The following LNP1 variants were observed in gnomAD, a reference collection of about 807,000 sequenced individuals.
The protein encoded by LNP1 is leukemia NUP98 fusion partner 1.
Under a neutral mutation model 14.5 loss-of-function variants are expected in LNP1, and 12 were observed. The observed-to-expected ratio is 0.83, with a 90% CI of 0.53 to 1.34. The LOEUF (loss-of-function observed/expected upper bound fraction) is 1.34. Among genes scored for constraint, LNP1 ranks in the 40% most tolerant of loss-of-function variants. LNP1 has a pLI of 0.00. For synonymous variants in LNP1, 75 were observed against 71.4 expected, an observed-to-expected ratio of 1.05 and a Z score of -0.26; for missense variants, 198 against 210.9, an observed-to-expected ratio of 0.94 and a Z score of 0.38.
intron 1 of LNP1, among the ~76,000 whole-genome samples, chr3:100,429,285 C>T (rs1707221949): frequency 1.3e-5 from 2 of 152,048 alleles, no homozygotes; most frequent in Admixed American, 6.6e-5. Flanking sequence ...TGTATGTGGC[C>T]CCATTTCAGA....
chr3:100,427,711 A>G (rs1039358433), intron 1 of LNP1, among the ~76,000 whole-genome samples: 1 of 152,196 alleles, frequency 6.6e-6, no homozygotes, highest in African/African-American at 2.4e-5. Flanking sequence ...ATACAAGGTA[A>G]AACTGAGAAA....
intron 1 of LNP1, among the ~76,000 whole-genome samples, chr3:100,428,014 G>T (rs1576230717): frequency 6.6e-6 from 1 of 152,186 alleles, no homozygotes; most frequent in South Asian, 2.1e-4. Flanking sequence ...AGGGCAAATG[G>T]CCAAGAATTC....
intron 1 of LNP1, 84 bp from the exon 2 acceptor site, chr3:100,429,613 G>C: frequency 2.3e-6 from 2 of 868,560 alleles, no homozygotes; most frequent in Non-Finnish European, 3.6e-6. Context: ...ATTTTAAAAA[G>C]ACCAGTTTCA....
At chr3:100,412,866 G>C (rs1400685198) in intron 1 of LNP1, among the ~76,000 whole-genome samples, 1 of 152,188 alleles carries the variant, frequency 6.6e-6, no homozygotes, top group Non-Finnish European at 1.5e-5. Flanking sequence ...CTGTAAGAGG[G>C]TTGGGCATAT....
At chr3:100,434,608 A>G (rs1046122420) in intron 2 of LNP1, among the ~76,000 whole-genome samples, 1 of 147,882 alleles carries the variant, frequency 6.8e-6, no homozygotes, top group Non-Finnish European at 1.5e-5. Flanking sequence ...GGCTCACTAC[A>G]ACCTCTGCCT....
At chr3:100,417,087 C>T (rs566506412) in intron 1 of LNP1, among the ~76,000 whole-genome samples, 4 of 152,080 alleles carry the variant, frequency 2.6e-5, no homozygotes, top group African/African-American at 9.6e-5. Flanking sequence ...TTTTGGCAAC[C>T]ATACTTCCAA....
At position 100,429,882 on chromosome 3, in the gene LNP1, C is replaced by T; in HGVS notation, c.153C>T (p.Cys51=). The change falls in exon 2 of 4, where the codon TGC becomes TGT. Residue 51 remains cysteine, a synonymous_variant. Transcript: ENST00000383693. ...GTCACAGGAAAACCTCCCTGCCCTG[C>T]CCAGTGAGTGATTGTCATGGAACCG... The part of the protein sequence containing the change: ...ATSHRKTSLP[C]PLPVLPRIPS... The T allele has an allele frequency of 1.9e-6, 3 of 1,612,696 alleles. No individual in the cohort carries two copies. The highest frequency in any genetic ancestry group is 2.5e-6 in the Non-Finnish European group (3 of 1,179,372).
chr3:100,403,452 T>C (rs1167611673), intron 1 of LNP1, among the ~76,000 whole-genome samples: 1 of 152,134 alleles, frequency 6.6e-6, no homozygotes, highest in African/African-American at 2.4e-5. Context: ...ATGGACTAGG[T>C]TGTGGAAGAC....
chr3:100,424,027 A>T (rs1291024840), intron 1 of LNP1, among the ~76,000 whole-genome samples: 1 of 152,110 alleles, frequency 6.6e-6, no homozygotes, highest in Non-Finnish European at 1.5e-5. Flanking sequence ...TTGCTGCCCC[A>T]TGTTTGTTTT....
intron 2 of LNP1, among the ~76,000 whole-genome samples, chr3:100,432,430 C>T (rs1039437223): frequency 3.3e-5 from 5 of 152,110 alleles, no homozygotes; most frequent in African/African-American, 1.2e-4. Context: ...CCGAGTATCA[C>T]AGGGTGAAAG....
At chr3:100,447,740 T>C (rs1707401832) in intron 2 of LNP1, among the ~76,000 whole-genome samples, 2 of 152,222 alleles carry the variant, frequency 1.3e-5, no homozygotes, top group Admixed American at 1.3e-4. Flanking sequence ...AAATTTACCA[T>C]ACAAGAGTCT....
At chr3:100,422,784 A>C (rs2148901849) in intron 1 of LNP1, among the ~76,000 whole-genome samples, 1 of 146,544 alleles carries the variant, frequency 6.8e-6, no homozygotes, top group South Asian at 2.2e-4. Flanking sequence ...CTCTGAAAAC[A>C]TACCTTGCTT....
chr3:100,436,703 A>G (rs9867520), intron 2 of LNP1, among the ~76,000 whole-genome samples: 2,157 of 152,232 alleles, frequency 0.014, 26 homozygotes, highest in African/African-American at 0.04. Context: ...CAGGTAACAT[A>G]TGTTCTGTTA....
At chr3:100,406,104 G>A (rs1706963175) in intron 1 of LNP1, among the ~76,000 whole-genome samples, 1 of 152,110 alleles carries the variant, frequency 6.6e-6, no homozygotes, top group Admixed American at 6.5e-5. Context: ...TGACCAACAT[G>A]GTGAAACCCT....
intron 3 of LNP1, among the ~76,000 whole-genome samples, 163 bp from the exon 4 acceptor site, chr3:100,455,614 C>A (rs370830247): frequency 6.6e-6 from 1 of 152,164 alleles, no homozygotes; most frequent in African/African-American, 2.4e-5. Flanking sequence ...GTGACCGAAA[C>A]CTTTAGCAAC....
intron 1 of LNP1, among the ~76,000 whole-genome samples, chr3:100,403,901 A>G (rs970267092): frequency 6.6e-6 from 1 of 152,230 alleles, no homozygotes; most frequent in East Asian, 1.9e-4. Flanking sequence ...TCATTGCTAC[A>G]TGAAAGGCCT....
At chr3:100,452,037 G>A (rs1707465270) in intron 3 of LNP1, 88 bp downstream of exon 3, 1 of 734,292 alleles carries the variant, frequency 1.4e-6, no homozygotes, top group Non-Finnish European at 2.2e-6. Flanking sequence ...GGGAACAAAT[G>A]TAACTTCTTC....
intron 3 of LNP1, among the ~76,000 whole-genome samples, chr3:100,454,030 A>G (rs1426019919): frequency 1.3e-5 from 2 of 152,226 alleles, no homozygotes; most frequent in African/African-American, 2.4e-5. Context: ...TATTATTATT[A>G]TAAGCCCTAA....
intron 1 of LNP1, among the ~76,000 whole-genome samples, chr3:100,417,673 A>G (rs764391738): frequency 3.3e-5 from 5 of 151,730 alleles, no homozygotes; most frequent in African/African-American, 7.3e-5. Context: ...GACACCTCGC[A>G]CTGCCGGTAT....
Sources: allele counts gnomAD v4.1 joint callset (sites outside exome capture counted in the v4.1 genomes callset), GRCh38; gene constraint gnomAD v4.1.1; transcripts MANE v1.5; gene names NCBI Gene and HGNC (gene_info 2026-07-23, HGNC 2026-07-21).